Variants in MAGI2 observed in about 807,000 individuals in gnomAD.
MAGI2 encodes membrane associated guanylate kinase, WW and PDZ domain containing 2.
Under a neutral mutation model 133.3 loss-of-function variants are expected in MAGI2, and 35 were observed. The observed-to-expected ratio is 0.26, with a 90% CI of 0.20 to 0.35. MAGI2 has a LOEUF of 0.35. MAGI2 is among the 10% of genes least tolerant of loss of function. The pLI is 1.00. For missense variants in MAGI2, 1,636 were observed against 1,863.4 expected (o/e 0.88, Z 2.25); for synonymous variants, 729 against 710.6 (o/e 1.03, Z -0.41).
In MAGI2 at chr7:78,256,187, A is replaced by C. The variant is rs1792955968; in HGVS notation, c.1803T>G (p.Ala601=). The C allele has an allele frequency of 1.2e-6, 2 of 1,614,000 alleles. No homozygotes were observed. Among genetic ancestry groups the C allele is most frequent in the Non-Finnish European group, 1.7e-6 (2 of 1,179,994 alleles). Residue 601 remains alanine (A), a synonymous_variant, in exon 10 of 22, where the codon GCT becomes GCG. Coordinates refer to ENST00000354212, the MANE Select transcript of MAGI2 (RefSeq NM_012301.4). ...TCACAATGGTTAAGGTCATAAGTTC[A>C]GCTTGGGTGGCCCCAGATGAAGCCA... ...VSMASSGATQ[A]ELMTLTIVKG...
At chr7:78,911,816 A>G (rs1397375390) in intron 2 of MAGI2, among the ~76,000 whole-genome samples, 1 of 151,982 alleles carries the variant, frequency 6.6e-6, no homozygotes, top group East Asian at 1.9e-4. Context: ...TAAGCCCAGT[A>G]CCCAATAGTT....
At chr7:78,821,744 T>G (rs1421702499) in intron 2 of MAGI2, among the ~76,000 whole-genome samples, 2 of 152,070 alleles carry the variant, frequency 1.3e-5, no homozygotes, top group Non-Finnish European at 2.9e-5. Context: ...ATTGGGAATT[T>G]GACTTCTATT....
In MAGI2 at chr7:78,464,646, A is replaced by G. The variant is rs1306676056; in HGVS notation, c.1045+25115T>C. On this transcript the variant is annotated intron_variant, in intron 6 of 21. Coordinates refer to ENST00000354212, the MANE Select transcript of MAGI2 (RefSeq NM_012301.4). ...ACAGGCCAGATTTTAGAAAAAAGTT[A>G]TTCTACATATTAATGACCCACATAA... Among the ~76,000 whole-genome samples, 9 of 152,104 alleles carry G rather than the reference A, an allele frequency of 5.9e-5. No homozygotes were observed. In the East Asian group the frequency reaches 1.7e-3, roughly 29 times the overall value.
chr7:78,205,728 G>A (rs1829670679), intron 10 of MAGI2, among the ~76,000 whole-genome samples: 2 of 151,948 alleles, frequency 1.3e-5, no homozygotes, highest in Non-Finnish European at 2.9e-5. Context: ...TATGTCCCTG[G>A]TAACCATTTT....
intron 2 of MAGI2, among the ~76,000 whole-genome samples, chr7:78,889,131 G>C (rs910952214): frequency 6.6e-6 from 1 of 152,112 alleles, no homozygotes; most frequent in Non-Finnish European, 1.5e-5. Context: ...GGGTATCAGT[G>C]GTGGAAGATC....
In MAGI2 at chr7:79,324,043, G is replaced by A. The variant is rs117461703; in HGVS notation, c.301+128977C>T. On this transcript the variant is annotated intron_variant, in intron 1 of 21. Transcript: ENST00000354212. ...AGATTCTGGCTCCACTACTTCCTCT[G>A]GTATGTGATTTAGGGCAAATCCTCT... Among the ~76,000 whole-genome samples the A allele has an allele frequency of 3.9e-4, 59 of 151,984 alleles. No homozygotes were observed. The East Asian group carries it at 0.011, about 28-fold the overall frequency.
At chr7:78,387,113 AC>A (rs1795455503) in intron 6 of MAGI2, among the ~76,000 whole-genome samples, 1 of 152,192 alleles carries the variant, frequency 6.6e-6, no homozygotes, top group South Asian at 2.1e-4. Flanking sequence ...TTAAATTCAT[AC>A]TTCCTTGGGT....
rs115667534 is a variant in MAGI2, at chr7:78,603,767, C to T, written c.538+23353G>A. Among the ~76,000 whole-genome samples the T allele has an allele frequency of 3.9e-3, 590 of 152,208 alleles. 6 individuals carry two copies. Among genetic ancestry groups the T allele is most frequent in the African/African-American group, 0.013 (548 of 41,528 alleles). On this transcript the variant is annotated intron_variant, in intron 3 of 21. Transcript: ENST00000354212. ...TGAACTTGTGACCTCGTGATTTATC[C>T]GCCTCAGCCTCCCAGAGTGCTGGGA...
chr7:78,235,831 T>C (rs1355651433), intron 10 of MAGI2, among the ~76,000 whole-genome samples: 1 of 152,112 alleles, frequency 6.6e-6, no homozygotes, highest in African/African-American at 2.4e-5. Flanking sequence ...TCCAGAAACA[T>C]TGAGAACCCT....
At chr7:78,302,120 A>G (rs1352603840) in intron 9 of MAGI2, among the ~76,000 whole-genome samples, 2 of 152,224 alleles carry the variant, frequency 1.3e-5, no homozygotes, top group African/African-American at 4.8e-5. Context: ...ATAGCATAAA[A>G]TTAGTGCCTG....
intron 1 of MAGI2, among the ~76,000 whole-genome samples, chr7:79,142,773 C>T (rs1585034171): frequency 6.6e-6 from 1 of 152,266 alleles, no homozygotes; most frequent in South Asian, 2.1e-4. Context: ...ACCTGCCATC[C>T]AGCATCTGTT....
Position 79,222,930 on chromosome 7 carries a change from G to T in MAGI2, c.302-215724C>A, listed in dbSNP as rs185902948. 3.8e-4 allele frequency among the ~76,000 whole-genome samples: 58 copies of T among 152,110 alleles called. No individual in the cohort carries two copies. In the East Asian group the frequency reaches 0.011, roughly 28 times the overall value. On this transcript the variant is annotated intron_variant, in intron 1 of 21. Transcript: ENST00000354212. ...GACGGAGTCTCACTCTGTCGCCCAG[G>T]CTGGAGTGCAGTGGCGCTGTCTCGG...
intron 2 of MAGI2, among the ~76,000 whole-genome samples, chr7:78,728,807 C>T (rs1190748308): frequency 2.4e-5 from 3 of 124,728 alleles, no homozygotes; most frequent in Non-Finnish European, 3.5e-5. Context: ...CCTCGTGATC[C>T]GCCCGCCTCG....
At chr7:78,585,283 G>A (rs1186650299) in intron 3 of MAGI2, among the ~76,000 whole-genome samples, 2 of 152,074 alleles carry the variant, frequency 1.3e-5, no homozygotes, top group African/African-American at 2.4e-5. Flanking sequence ...GTTAGACTTC[G>A]AGACACCGGT....
chr7:78,579,712 C>A (rs1802641448), intron 3 of MAGI2, among the ~76,000 whole-genome samples: 2 of 152,126 alleles, frequency 1.3e-5, no homozygotes, highest in African/African-American at 4.8e-5. Context: ...GCTATATAAG[C>A]CACTTCTAGG....
chr7:79,392,338 T>C (rs1844720346), intron 1 of MAGI2, among the ~76,000 whole-genome samples: 1 of 152,202 alleles, frequency 6.6e-6, no homozygotes, highest in African/African-American at 2.4e-5. Flanking sequence ...TGTGTCTTTA[T>C]AGTAGAACGA....
chr7:78,801,027 T>A (rs1788015773), intron 2 of MAGI2, among the ~76,000 whole-genome samples: 1 of 152,198 alleles, frequency 6.6e-6, no homozygotes, highest in Admixed American at 6.5e-5. Context: ...CAGAGTTTAA[T>A]GTTTTATTGT....
intron 4 of MAGI2, among the ~76,000 whole-genome samples, chr7:78,513,934 C>A (rs1318860343): frequency 6.6e-6 from 1 of 151,652 alleles, no homozygotes; most frequent in Admixed American, 6.6e-5. Flanking sequence ...ACTAAAAATA[C>A]AAAATTAGCT....
chr7:78,356,192 T>C (rs779408359), intron 7 of MAGI2, among the ~76,000 whole-genome samples: 12 of 152,214 alleles, frequency 7.9e-5, no homozygotes, highest in Non-Finnish European at 1.3e-4. Context: ...TCTGTGCTAA[T>C]ATTCATGAAT....
Sources: allele counts gnomAD v4.1 joint callset (sites outside exome capture counted in the v4.1 genomes callset), GRCh38; gene constraint gnomAD v4.1.1; transcripts MANE v1.5; gene names NCBI Gene and HGNC (gene_info 2026-07-23, HGNC 2026-07-21).